Variants in LRTM1 observed in about 807,000 individuals in gnomAD.
LRTM1 encodes the protein leucine rich repeat transmembrane protein 1, also known as leucine-rich repeat and transmembrane domain-containing protein 1.
LRTM1 carries 38 observed loss-of-function variants against 32.4 expected under a neutral mutation model. The observed-to-expected ratio is 1.17, with a 90% confidence interval of 0.91 to 1.54. The LOEUF (loss-of-function observed/expected upper bound fraction) is 1.54. Ranked by LOEUF, LRTM1 falls within the 40% of genes most tolerant of loss-of-function variation. LRTM1 has a pLI of 0.00. For synonymous variants in LRTM1, 186 were observed against 169.9 expected, an observed-to-expected ratio of 1.09 and a Z score of -0.74; for missense variants, 466 against 415.4, an observed-to-expected ratio of 1.12 and a Z score of -1.06.
At chr3:54,938,861 G>A (rs1701391137) in intron 1 of LRTM1, among the ~76,000 whole-genome samples, 1 of 152,142 alleles carries the variant, frequency 6.6e-6, no homozygotes, top group Non-Finnish European at 1.5e-5. Flanking sequence ...TGGGCATGTG[G>A]ACAATCCCCA....
At chr3:54,957,166 CT>C (rs57778359) in intron 1 of LRTM1, among the ~76,000 whole-genome samples, 130,408 of 148,790 alleles carry the variant, frequency 0.88, 57,169 homozygotes, top group African/African-American at 0.94. Flanking sequence ...AAATAATTTT[CT>C]TTTTTTTTTT....
intron 1 of LRTM1, among the ~76,000 whole-genome samples, chr3:54,944,829 G>GTGTGTGTGTT (rs1559640188): frequency 6.6e-6 from 1 of 152,090 alleles, no homozygotes; most frequent in Non-Finnish European, 1.5e-5. Flanking sequence ...GTGTGTGTGT[G>GTGTGTGTGTT]TGTGTGTGTG....
chr3:54,953,998 C>T (rs1380285594), intron 1 of LRTM1, among the ~76,000 whole-genome samples: 1 of 152,210 alleles, frequency 6.6e-6, no homozygotes, highest in Non-Finnish European at 1.5e-5. Context: ...GCCATCCATG[C>T]AGTTTTATTT....
chr3:54,940,131 T>C (rs6806020), intron 1 of LRTM1, among the ~76,000 whole-genome samples: 112,976 of 152,102 alleles, frequency 0.74, 42,376 homozygotes, highest in East Asian at 0.86. Context: ...CATTGGTGTC[T>C]AGTCTCAGGC....
chr3:54,935,409 C>G (rs1304294988), intron 1 of LRTM1, among the ~76,000 whole-genome samples: 1 of 152,188 alleles, frequency 6.6e-6, no homozygotes, highest in Non-Finnish European at 1.5e-5. Flanking sequence ...TTAGTGAGCT[C>G]ATGCGGCTGG....
chr3:54,949,407 A>T (rs1701699312), intron 1 of LRTM1, among the ~76,000 whole-genome samples: 1 of 152,200 alleles, frequency 6.6e-6, no homozygotes, highest in Non-Finnish European at 1.5e-5. Flanking sequence ...CTATTATTCC[A>T]GCTCAGCTGG....
chr3:54,918,359 T>A lies in LRTM1; in HGVS notation c.*100A>T. 3.2e-6 allele frequency: 2 copies of A among 628,036 alleles called. No individual in the cohort carries two copies. The highest frequency in any genetic ancestry group is 4.6e-6 in the Non-Finnish European group (2 of 437,564). The allele number at this position is 628,036 out of a possible 1,614,324, so 38.9% of individuals were successfully genotyped here. On this transcript the variant is annotated 3_prime_UTR_variant, in exon 3 of 3. Transcript: ENST00000273286. ...TTTTTTTTTTTTTTTTTTTTTTGTC[T>A]TTTGGCAAAAGCAAAATCAGACTAA...
At position 54,951,563 on chromosome 3, in the gene LRTM1, G is replaced by A. The variant is rs547442864; in HGVS notation, c.-222+15365C>T. On this transcript the variant is annotated intron_variant, in intron 1 of 2. Coordinates refer to the LRTM1 transcript ENST00000493075. ...ACAGACTTCCAGAACAGACCCCTAGGGGGTGACGCAGCCCCACTGAGAACC... is the reference window on the plus strand; with the variant it reads ...ACAGACTTCCAGAACAGACCCCTAGAGGGTGACGCAGCCCCACTGAGAACC... 4.9e-4 allele frequency among the ~76,000 whole-genome samples: 75 copies of A among 152,286 alleles called. 2 individuals carry two copies. In the South Asian group the frequency reaches 0.015, roughly 30 times the overall value.
intron 1 of LRTM1, among the ~76,000 whole-genome samples, chr3:54,963,608 C>T (rs11130440): frequency 0.37 from 56,245 of 152,072 alleles, 12,900 homozygotes; most frequent in East Asian, 0.56. Flanking sequence ...GCTGCCTGTC[C>T]CTAGATTCAA....
intron 1 of LRTM1, among the ~76,000 whole-genome samples, chr3:54,956,832 G>A (rs1701908639): frequency 6.6e-6 from 1 of 152,054 alleles, no homozygotes; most frequent in Non-Finnish European, 1.5e-5. Context: ...GATACCTCCA[G>A]TTTGCATTTT....
chr3:54,934,974 G>C (rs1701294016), intron 1 of LRTM1, among the ~76,000 whole-genome samples: 1 of 152,212 alleles, frequency 6.6e-6, no homozygotes, highest in Non-Finnish European at 1.5e-5. Context: ...CTGACCTCAA[G>C]TGATCCACCC....
intron 1 of LRTM1, among the ~76,000 whole-genome samples, chr3:54,938,697 A>T (rs978905158): frequency 6.6e-6 from 1 of 151,472 alleles, no homozygotes; most frequent in Non-Finnish European, 1.5e-5. Context: ...ATTTTTCTAC[A>T]GTGATAAAAA....
rs1363767006 is a variant in LRTM1, at chr3:54,925,089, G to T, written c.134C>A (p.Pro45His). 6.2e-7 allele frequency: 1 copy of T among 1,614,100 alleles called. No homozygotes were observed. The highest frequency in any genetic ancestry group is 8.5e-7 in the Non-Finnish European group (1 of 1,180,002). Residue 45 changes from proline to histidine, a missense_variant, in exon 2 of 3, where the codon CCT becomes CAT. Coordinates refer to ENST00000273286, the MANE Select transcript of LRTM1 (RefSeq NM_020678.4). ...TCGAGTCTGAGGAGGTAAATGGGAA[G>T]GGATTTCGGCCAGACCCTGCTGGCT... ...DCSQQGLAEI[P>H]SHLPPQTRTL...
intron 1 of LRTM1, among the ~76,000 whole-genome samples, chr3:54,943,721 T>C (rs1254055749): frequency 6.6e-6 from 1 of 152,170 alleles, no homozygotes; most frequent in Non-Finnish European, 1.5e-5. Flanking sequence ...TTTCTGCCTA[T>C]TTCATCTTGC....
At chr3:54,924,564 A>G (rs1700954754) in intron 2 of LRTM1, 55 bp downstream of exon 2, 7 of 1,394,400 alleles carry the variant, frequency 5.0e-6, no homozygotes, top group Non-Finnish European at 6.0e-6. Context: ...AACAGATGAG[A>G]TTCATCCTAG....
chr3:54,947,309 G>C (rs1701640734), intron 1 of LRTM1, among the ~76,000 whole-genome samples: 1 of 152,218 alleles, frequency 6.6e-6, no homozygotes, highest in Admixed American at 6.5e-5. Context: ...AGAAGAAAAG[G>C]GTGGAATAAT....
chr3:54,960,411 C>T (rs1702003421), intron 1 of LRTM1, among the ~76,000 whole-genome samples: 1 of 152,138 alleles, frequency 6.6e-6, no homozygotes, highest in African/African-American at 2.4e-5. Flanking sequence ...ATTTAAAATA[C>T]CTCCTCCCCT....
upstream of LRTM1, among the ~76,000 whole-genome samples, chr3:54,932,978 A>G (rs2106960358): frequency 6.6e-6 from 1 of 152,286 alleles, no homozygotes; most frequent in Non-Finnish European, 1.5e-5. Flanking sequence ...TGGATGACCA[A>G]ACGGCACCCA....
intron 1 of LRTM1, among the ~76,000 whole-genome samples, chr3:54,942,589 A>G (rs1398392376): frequency 6.6e-6 from 1 of 152,144 alleles, no homozygotes; most frequent in Non-Finnish European, 1.5e-5. Flanking sequence ...AGATGTTTTA[A>G]AAAGAAAAAG....
Sources: gnomAD v4.1 joint callset for allele counts (sites outside exome capture counted in the v4.1 genomes callset) on GRCh38, gnomAD v4.1.1 for gene constraint, MANE v1.5 for transcripts, NCBI Gene and HGNC (gene_info 2026-07-23, HGNC 2026-07-21) for gene names.